The following CFAP221 variants were observed in gnomAD, a reference collection of about 807,000 sequenced individuals.
CFAP221 encodes the protein cilia and flagella associated protein 221.
CFAP221 carries 97 observed loss-of-function variants against 113.1 expected under a neutral mutation model. The observed-to-expected ratio is 0.86, with a 90% CI of 0.73 to 1.02. CFAP221 has a LOEUF of 1.02. Among genes scored for constraint, CFAP221 ranks in the 50% least tolerant of loss-of-function variants. CFAP221 has a pLI of 0.00. For synonymous variants in CFAP221, 331 were observed against 354.4 expected, an observed-to-expected ratio of 0.93 and a Z score of 0.74; for missense variants, 1,025 against 1,013.4, an observed-to-expected ratio of 1.01 and a Z score of -0.16.
In CFAP221 at chr2:119,604,700, C is replaced by T. The variant is rs770999307; in HGVS notation, c.820C>T (p.Leu274Phe). The change falls in exon 9 of 24, where the codon CTT (leucine) becomes TTT (phenylalanine). Residue 274 changes from leucine to phenylalanine, a missense_variant. Leu to Phe is a conservative substitution (Grantham distance 22). Coordinates refer to ENST00000413369, the MANE Select transcript of CFAP221 (RefSeq NM_001271049.2). ...PLEEFERLNTLSKKVNVPPEK... is the reference protein window; with the variant it reads ...PLEEFERLNTFSKKVNVPPEK... ...AGAAGAGTTTGAAAGGTTGAATACCCTTTCTAAGAAAGTAAACGTTCCTCC... is the reference window on the plus strand; with the variant it reads ...AGAAGAGTTTGAAAGGTTGAATACCTTTTCTAAGAAAGTAAACGTTCCTCC... 3 of 1,556,588 alleles carry T rather than the reference C, an allele frequency of 1.9e-6. No individual in the cohort carries two copies. Among genetic ancestry groups the T allele is most frequent in the South Asian group, 1.2e-5 (1 of 82,130 alleles).
chr2:119,546,302 G>T, intron 2 of CFAP221, 32 bp downstream of exon 2: 1 of 1,527,416 alleles, frequency 6.5e-7, no homozygotes, highest in South Asian at 1.2e-5. Flanking sequence ...TTGCTTTACA[G>T]CTCACATCTT....
At position 119,638,414 on chromosome 2, in the gene CFAP221, C is replaced by T. The variant is rs1300969275; in HGVS notation, c.2130C>T (p.His710=). The change falls in exon 20 of 24, where the codon CAC becomes CAT. Residue 710 remains histidine, a synonymous_variant. Transcript: ENST00000413369. ...IPVTQKQFLH[H]TDIIPGIMHW... ...TCACCCAAAAGCAGTTTCTCCATCA[C>T]ACGGTAATGTCATCACCAGGCTCAC... 20 of 1,614,142 alleles carry T rather than the reference C, an allele frequency of 1.2e-5. No individual in the cohort carries two copies. The highest frequency in any genetic ancestry group is 1.7e-5 in the Non-Finnish European group (20 of 1,180,024).
At chr2:119,644,755 T>A (rs1687695108) in intron 21 of CFAP221, among the ~76,000 whole-genome samples, 1 of 152,108 alleles carries the variant, frequency 6.6e-6, no homozygotes, top group Non-Finnish European at 1.5e-5. Context: ...CATATACATA[T>A]CCATATTTTA....
intron 7 of CFAP221, among the ~76,000 whole-genome samples, chr2:119,593,370 T>A (rs11691795): frequency 0.24 from 35,923 of 151,954 alleles, 4,968 homozygotes; most frequent in African/African-American, 0.39. Flanking sequence ...ATTTATTTTT[T>A]AAAAAAGAGG....
chr2:119,636,549 A>G (rs1471959074), intron 19 of CFAP221, among the ~76,000 whole-genome samples: 1 of 152,220 alleles, frequency 6.6e-6, no homozygotes, highest in Non-Finnish European at 1.5e-5. Context: ...CTTGTCTTGC[A>G]TAGTAATGAG....
chr2:119,559,484 A>G (rs930905907), intron 3 of CFAP221, among the ~76,000 whole-genome samples: 1 of 152,036 alleles, frequency 6.6e-6, no homozygotes, highest in African/African-American at 2.4e-5. Flanking sequence ...AAGTGGGGAC[A>G]TGGGGCACGT....
chr2:119,570,376 G>A (rs1681958133), intron 6 of CFAP221, among the ~76,000 whole-genome samples: 1 of 152,142 alleles, frequency 6.6e-6, no homozygotes, highest in African/African-American at 2.4e-5. Context: ...TTCCAAAAAA[G>A]TCTTATTCAG....
chr2:119,633,963 C>T (rs1355992435), intron 19 of CFAP221, among the ~76,000 whole-genome samples: 2 of 152,192 alleles, frequency 1.3e-5, no homozygotes, highest in East Asian at 3.8e-4. Flanking sequence ...CAGCAATCTG[C>T]TGGGTGTGGT....
intron 21 of CFAP221, among the ~76,000 whole-genome samples, chr2:119,645,803 C>G (rs59301232): frequency 0.19 from 28,210 of 152,134 alleles, 3,133 homozygotes; most frequent in African/African-American, 0.32. Flanking sequence ...GCTCCAGGCT[C>G]TGTCATTCTT....
intron 11 of CFAP221, among the ~76,000 whole-genome samples, chr2:119,607,288 G>A (rs1466489560): frequency 2.0e-5 from 3 of 152,078 alleles, no homozygotes; most frequent in African/African-American, 7.2e-5. Context: ...CCCCACACCC[G>A]GCCCATACCT....
intron 6 of CFAP221, among the ~76,000 whole-genome samples, chr2:119,562,890 G>A (rs950153980): frequency 1.3e-5 from 2 of 152,108 alleles, no homozygotes; most frequent in African/African-American, 4.8e-5. Flanking sequence ...GGTGGCTCAC[G>A]CTTGTAATCC....
rs1685474438 is a variant in CFAP221 at position 119,615,692 on chromosome 2, C to T, written c.1393C>T (p.Gln465Ter). ...LSRSRAQKRF[Q>*]QVARKVMIQG... The stretch of plus-strand genomic sequence containing the variant: ...CAGGTCCAGGGCACAAAAACGGTTT[C>T]AACAAGTAGCACGCAAGGTAAGTCT... The change falls in exon 14 of 24, where the codon CAA (glutamine) becomes TAA (stop). Residue 465 changes from glutamine to a stop codon, truncating the protein, a stop_gained. Coordinates refer to ENST00000413369, the MANE Select transcript of CFAP221 (RefSeq NM_001271049.2). LOFTEE classifies it high-confidence loss of function. The T allele has an allele frequency of 6.2e-7, 1 of 1,611,132 alleles. No individual in the cohort carries two copies. Among genetic ancestry groups the T allele is most frequent in the African/African-American group, 1.3e-5 (1 of 74,824 alleles).
rs1485961086 is a variant in CFAP221 at position 119,567,378 on chromosome 2, CT to C, written c.527+5269del. 2.6e-5 allele frequency among the ~76,000 whole-genome samples: 4 copies of C among 152,322 alleles called. No homozygotes were observed. In the East Asian group the frequency reaches 5.8e-4, roughly 22 times the overall value. ...TAGTTGGAATCATATAGTATTTAGT[CT>C]TTTTCTGATTGGGTGCTTTCACTTA... On this transcript the variant is annotated intron_variant, in intron 6 of 23. Transcript: ENST00000413369.
At chr2:119,654,733 A>G (rs1688333352) in intron 23 of CFAP221, among the ~76,000 whole-genome samples, 1 of 152,322 alleles carries the variant, frequency 6.6e-6, no homozygotes, top group Non-Finnish European at 1.5e-5. Context: ...TACATTTCAC[A>G]CATTTGCAAT....
At chr2:119,604,032 A>G (rs1218648015) in intron 8 of CFAP221, among the ~76,000 whole-genome samples, 1 of 152,254 alleles carries the variant, frequency 6.6e-6, no homozygotes, top group Non-Finnish European at 1.5e-5. Flanking sequence ...TTTACTAGGA[A>G]GATAAATCAA....
intron 12 of CFAP221, among the ~76,000 whole-genome samples, chr2:119,609,211 G>C (rs557442947): frequency 6.6e-6 from 1 of 152,282 alleles, no homozygotes; most frequent in Admixed American, 6.5e-5. Flanking sequence ...AGAACACTGA[G>C]GACAAGTCCA....
intron 22 of CFAP221, among the ~76,000 whole-genome samples, chr2:119,650,632 A>C (rs1328935756): frequency 6.6e-6 from 1 of 152,230 alleles, no homozygotes; most frequent in Non-Finnish European, 1.5e-5. Context: ...CTGAGCATTA[A>C]ATGTGTGCCA....
At chr2:119,636,570 C>T (rs145307955) in intron 19 of CFAP221, among the ~76,000 whole-genome samples, 25 of 152,264 alleles carry the variant, frequency 1.6e-4, no homozygotes, top group African/African-American at 5.8e-4. Flanking sequence ...TCAGTAGATA[C>T]TGCCTGAGGT....
intron 3 of CFAP221, chr2:119,556,052 C>T (rs1231850541): frequency 6.6e-6 from 1 of 152,238 alleles, no homozygotes; most frequent in Non-Finnish European, 1.5e-5. Context: ...TGAAAAAGCT[C>T]ATTGGCACGA....
Sources: allele counts gnomAD v4.1 joint callset (sites outside exome capture counted in the v4.1 genomes callset), GRCh38; gene constraint gnomAD v4.1.1; transcripts MANE v1.5; gene names NCBI Gene and HGNC (gene_info 2026-07-23, HGNC 2026-07-21).